RFX8: variants seen among roughly 807,000 people sequenced by gnomAD.
RFX8 encodes the protein DNA-binding protein RFX8.
RFX8 carries 46 observed loss-of-function variants against 54.6 expected under a neutral mutation model. The observed-to-expected ratio is 0.84, with a 90% CI of 0.67 to 1.08. The LOEUF is 1.08. Ranked by LOEUF, RFX8 falls within the 50% of genes least tolerant of loss-of-function variation. The probability of loss-of-function intolerance (pLI) is 0.00; values close to 1 mark genes in which losing one functional copy is unlikely to be tolerated. For synonymous variants in RFX8, 192 were observed against 209.5 expected (o/e 0.92, Z 0.72); for missense variants, 536 against 562.3 (o/e 0.95, Z 0.47).
intron 2 of RFX8, chr2:101,452,259 G>A: frequency 1.9e-6 from 1 of 522,458 alleles, no homozygotes; most frequent in Non-Finnish European, 3.3e-6. Context: ...AATGCGAATT[G>A]TGGACACTCT....
chr2:101,417,810 GGGCAGCACCA>G, intron 5 of RFX8, 126 bp from the exon 6 acceptor site: 1 of 627,090 alleles, frequency 1.6e-6, no homozygotes. Flanking sequence ...CAGGTTGAAG[GGGCAGCACCA>G]TGCAACGTGG....
chr2:101,469,834 G>A (rs1326679982), intron 1 of RFX8, among the ~76,000 whole-genome samples: 1 of 152,028 alleles, frequency 6.6e-6, no homozygotes, highest in Admixed American at 6.6e-5. Context: ...AAGAATAATA[G>A]TAAAGGTCTG....
intron 4 of RFX8, among the ~76,000 whole-genome samples, chr2:101,419,537 T>A (rs575595917): frequency 6.6e-6 from 1 of 152,360 alleles, no homozygotes; most frequent in East Asian, 1.9e-4. Context: ...TTTCCCACGT[T>A]GACTTTTCAG....
chr2:101,466,927 G>A lies in RFX8; in HGVS notation c.-52-27C>T, dbSNP rs1221871615. The stretch of plus-strand genomic sequence containing the variant: ...TGGAGGAGAGGAGGACAAGGAGGAG[G>A]AAATTGGCATTTGTTTTTCTAGAGC... On this transcript the variant is annotated intron_variant, in intron 1 of 11. Coordinates refer to ENST00000428343, the MANE Select transcript of RFX8 (RefSeq NM_001145664.2). 7.5e-6 allele frequency: 8 copies of A among 1,061,164 alleles called. No individual in the cohort carries two copies. The African/African-American group carries it at 9.5e-5, about 13-fold the overall frequency. The allele number at this position is 1,061,164 out of a possible 1,614,324, so 65.7% of individuals were successfully genotyped here.
chr2:101,402,569 G>C lies in RFX8; in HGVS notation c.1112C>G (p.Ala371Gly), dbSNP rs375170866. 2 of 1,551,742 alleles carry C rather than the reference G, an allele frequency of 1.3e-6. No individual in the cohort carries two copies. Among genetic ancestry groups the C allele is most frequent in the African/African-American group, 1.4e-5 (1 of 73,044 alleles). ...TGGCTCCATGCTGGGGCTGGCACAC[G>C]CCTGCGACAGTGAGGAATTCAGAGA... is the stretch of plus-strand genomic sequence containing the variant. ...FHSLNSSLSQ[A>G]CASPSMEPLG... Residue 371 changes from alanine to glycine, a missense_variant, in exon 11 of 12, where the codon GCG becomes GGG. Ala to Gly is a moderately conservative substitution (Grantham distance 60, BLOSUM62 0). Coordinates refer to ENST00000428343, the MANE Select transcript of RFX8 (RefSeq NM_001145664.2).
intron 2 of RFX8, among the ~76,000 whole-genome samples, chr2:101,455,439 G>T (rs1372123695): frequency 6.6e-6 from 1 of 152,192 alleles, no homozygotes; most frequent in African/African-American, 2.4e-5. Flanking sequence ...CATATGGTTA[G>T]CCAGTTTTCA....
At chr2:101,426,353 A>G (rs887833119) in intron 2 of RFX8, among the ~76,000 whole-genome samples, 1 of 151,838 alleles carries the variant, frequency 6.6e-6, no homozygotes, top group Non-Finnish European at 1.5e-5. Context: ...TTAAAAAAAA[A>G]CAAAAACACA....
intron 7 of RFX8, among the ~76,000 whole-genome samples, chr2:101,413,352 C>G (rs925394894): frequency 6.6e-6 from 1 of 152,176 alleles, no homozygotes; most frequent in African/African-American, 2.4e-5. Flanking sequence ...CGCCCCACGC[C>G]CAAATGACTC....
rs778126119 is a variant in RFX8 at position 101,413,001 on chromosome 2, T to C, written c.632A>G (p.Asn211Ser). The part of the protein sequence containing the change: ...VLKSDLQAII[N>S]QGTLATSKKA... The stretch of plus-strand genomic sequence containing the variant: ...CTTAGAAGTAGCCAAAGTGCCTTGA[T>C]TGATGATGGCCTGTAGATCTGACTT... The change falls in exon 8 of 12, where the codon AAT becomes AGT. Residue 211 changes from asparagine to serine, a missense_variant. By Grantham distance (46) the Asn-to-Ser change is conservative. Coordinates refer to ENST00000428343, the MANE Select transcript of RFX8 (RefSeq NM_001145664.2). The C allele has an allele frequency of 1.1e-5, 17 of 1,551,972 alleles. No homozygotes were observed. The South Asian group carries it at 1.5e-4, about 14-fold the overall frequency.
rs750955760 is a variant in RFX8, at chr2:101,474,631, CT to C, written c.-53+4del. The C allele has an allele frequency of 8.6e-5, 18 of 210,506 alleles. No homozygotes were observed. The Middle Eastern group carries it at 4.8e-3, about 56-fold the overall frequency. The allele number at this position is 210,506 out of a possible 1,614,324, so 13.0% of individuals were successfully genotyped here. On this transcript the variant is annotated splice_donor_region_variant and intron_variant, in intron 1 of 11. Transcript: ENST00000428343. ...CAGGGACGCGAACAACAAGCACCAACTTACACCTTTTCCAATCTGGTCGCGG... is the reference window on the plus strand; with the variant it reads ...CAGGGACGCGAACAACAAGCACCAACTACACCTTTTCCAATCTGGTCGCGG...
intron 2 of RFX8, among the ~76,000 whole-genome samples, chr2:101,453,931 G>C (rs1038726103): frequency 3.9e-5 from 6 of 151,900 alleles, no homozygotes; most frequent in African/African-American, 1.5e-4. Flanking sequence ...TAAGTTCTAG[G>C]GTACATGTGC....
intron 2 of RFX8, among the ~76,000 whole-genome samples, chr2:101,431,803 A>G (rs954042219): frequency 6.6e-6 from 1 of 152,186 alleles, no homozygotes; most frequent in Admixed American, 6.5e-5. Context: ...TTCAGCAGCA[A>G]TCGAAAAGAA....
intron 4 of RFX8, among the ~76,000 whole-genome samples, chr2:101,420,520 G>A (rs945412148): frequency 2.0e-5 from 3 of 151,998 alleles, no homozygotes; most frequent in African/African-American, 7.3e-5. Context: ...TCCAGCCTCG[G>A]TGACAGAGCA....
intron 2 of RFX8, among the ~76,000 whole-genome samples, chr2:101,436,580 T>C (rs930267314): frequency 4.0e-5 from 6 of 151,670 alleles, no homozygotes; most frequent in Non-Finnish European, 8.8e-5. Context: ...AAATCACTCC[T>C]CAATTGCTGC....
chr2:101,439,396 C>T (rs1687960906), intron 2 of RFX8, among the ~76,000 whole-genome samples: 1 of 152,108 alleles, frequency 6.6e-6, no homozygotes, highest in South Asian at 2.1e-4. Flanking sequence ...TGATGTGGTC[C>T]AACTTTACAT....
intron 2 of RFX8, among the ~76,000 whole-genome samples, chr2:101,425,829 G>A (rs189151328): frequency 6.6e-6 from 1 of 152,292 alleles, no homozygotes; most frequent in Admixed American, 6.5e-5. Flanking sequence ...GACCCTGCAG[G>A]AGATTCGCTA....
chr2:101,452,436 A>AATCT, intron 2 of RFX8: 3 of 1,357,360 alleles, frequency 2.2e-6, no homozygotes, highest in Non-Finnish European at 1.9e-6. Flanking sequence ...CGGAAAAACC[A>AATCT]ATCTCACAAG....
intron 9 of RFX8, 82 bp downstream of exon 9, chr2:101,410,536 CT>C: frequency 1.4e-6 from 1 of 737,942 alleles, no homozygotes; most frequent in South Asian, 1.8e-5. Context: ...TAAGAAGCCT[CT>C]TTCCCATCCC....
intron 9 of RFX8, among the ~76,000 whole-genome samples, chr2:101,409,151 A>G (rs1685937073): frequency 6.6e-6 from 1 of 152,144 alleles, no homozygotes; most frequent in Non-Finnish European, 1.5e-5. Flanking sequence ...CAACCACTTC[A>G]GCCTTGGCAA....
Sources: gnomAD v4.1 joint callset for allele counts (sites outside exome capture counted in the v4.1 genomes callset) on GRCh38, gnomAD v4.1.1 for gene constraint, MANE v1.5 for transcripts, NCBI Gene and HGNC (gene_info 2026-07-23, HGNC 2026-07-21) for gene names.